The following AGBL1 variants were observed in gnomAD, a reference collection of about 807,000 sequenced individuals.
AGBL1 encodes cytosolic carboxypeptidase 4.
AGBL1 carries 130 observed loss-of-function variants against 118.9 expected under a neutral mutation model. The ratio of observed to expected loss-of-function variants is 1.09; its 90% confidence interval spans 0.95 to 1.26. AGBL1 has a LOEUF of 1.26. Among genes scored for constraint, AGBL1 ranks in the 50% most tolerant of loss-of-function variants. The pLI is 0.00. For synonymous variants in AGBL1, 555 were observed against 478.9 expected (o/e 1.16, Z -2.08); for missense variants, 1,584 against 1,298.1 (o/e 1.22, Z -3.38).
At chr15:86,839,878 C>T (rs1287735252) in intron 22 of AGBL1, among the ~76,000 whole-genome samples, 1 of 152,156 alleles carries the variant, frequency 6.6e-6, no homozygotes, top group Non-Finnish European at 1.5e-5. Context: ...TGAGATTCCC[C>T]TTACCATAAC....
At chr15:86,268,256 C>T (rs1410738421) in intron 13 of AGBL1, among the ~76,000 whole-genome samples, 1 of 151,778 alleles carries the variant, frequency 6.6e-6, no homozygotes, top group African/African-American at 2.4e-5. Flanking sequence ...GGAAGCCCAA[C>T]AAATAAAACA....
At chr15:86,460,984 C>T (rs1224131433) in intron 18 of AGBL1, among the ~76,000 whole-genome samples, 11 of 152,170 alleles carry the variant, frequency 7.2e-5, no homozygotes, top group Non-Finnish European at 1.6e-4. Context: ...AGATGATTTC[C>T]ACCCCAGAAG....
At chr15:86,833,345 G>A (rs747643654) in intron 22 of AGBL1, among the ~76,000 whole-genome samples, 7 of 152,118 alleles carry the variant, frequency 4.6e-5, no homozygotes, top group African/African-American at 7.2e-5. Context: ...GAATTCCCAC[G>A]TGTTGTGGGA....
intron 18 of AGBL1, among the ~76,000 whole-genome samples, chr15:86,430,787 C>T (rs2081926687): frequency 6.6e-6 from 1 of 152,130 alleles, no homozygotes; most frequent in African/African-American, 2.4e-5. Flanking sequence ...TCACAGCACT[C>T]ACTTTTGAGA....
chr15:86,895,725 A>G lies in AGBL1; in HGVS notation c.3159-11362A>G, dbSNP rs1225972593. 3.3e-5 allele frequency among the ~76,000 whole-genome samples: 5 copies of G among 152,032 alleles called. No homozygotes were observed. In the South Asian group the frequency reaches 6.2e-4, roughly 19 times the overall value. ...TAGAAACACTGCAAAGATACCACAG[A>G]AAGTTCCTTTCACCTAGTTTCCCTT... On this transcript the variant is annotated intron_variant, in intron 22 of 22. Coordinates refer to ENST00000614907, the MANE Select transcript of AGBL1 (RefSeq NM_001386094.1).
intron 1 of AGBL1, among the ~76,000 whole-genome samples, chr15:86,116,082 G>T (rs764588330): frequency 6.6e-6 from 1 of 152,128 alleles, no homozygotes; most frequent in Admixed American, 6.6e-5. Flanking sequence ...AATAGGCAGG[G>T]AACCTAGAAT....
At chr15:86,506,472 G>T (rs1374540915) in intron 18 of AGBL1, among the ~76,000 whole-genome samples, 2 of 152,010 alleles carry the variant, frequency 1.3e-5, no homozygotes. Flanking sequence ...TTCCATTCGG[G>T]AAGATTTGAG....
chr15:86,417,713 G>A (rs544915067), intron 18 of AGBL1, among the ~76,000 whole-genome samples: 6 of 152,288 alleles, frequency 3.9e-5, no homozygotes, highest in South Asian at 4.1e-4. Flanking sequence ...GAGTGTGTGT[G>A]CAGTAGAAGC....
chr15:86,945,649 G>A (rs544587024), intron 23 of AGBL1, among the ~76,000 whole-genome samples: 2 of 152,290 alleles, frequency 1.3e-5, no homozygotes, highest in South Asian at 4.1e-4. Flanking sequence ...CTTCAGTGTG[G>A]ACAAGAGAGT....
chr15:86,161,228 A>G (rs918828342), intron 5 of AGBL1, among the ~76,000 whole-genome samples: 3 of 152,204 alleles, frequency 2.0e-5, no homozygotes, highest in East Asian at 1.9e-4. Flanking sequence ...GTCAAATGCC[A>G]TATTAAAACC....
chr15:86,339,169 T>C (rs957832797), intron 17 of AGBL1, among the ~76,000 whole-genome samples: 3 of 152,212 alleles, frequency 2.0e-5, no homozygotes, highest in African/African-American at 7.2e-5. Context: ...ACTTGAAGAA[T>C]ATTGTGCCAC....
At chr15:86,939,542 C>T (rs1201672498) in intron 23 of AGBL1, 2 of 152,300 alleles carry the variant, frequency 1.3e-5, no homozygotes, top group Non-Finnish European at 2.9e-5. Context: ...TGTGGGACTT[C>T]ACCTCGTGAT....
intron 20 of AGBL1, among the ~76,000 whole-genome samples, chr15:86,553,921 C>T (rs1371187145): frequency 2.0e-5 from 3 of 151,882 alleles, no homozygotes; most frequent in Non-Finnish European, 2.9e-5. Flanking sequence ...AGTGCAGTGG[C>T]GCAATCTCAG....
At chr15:86,862,761 C>G (rs1264570258) in intron 22 of AGBL1, among the ~76,000 whole-genome samples, 1 of 152,108 alleles carries the variant, frequency 6.6e-6, no homozygotes, top group Non-Finnish European at 1.5e-5. Flanking sequence ...AAACAAAGTT[C>G]TTTTTACCAT....
At chr15:86,752,616 G>A (rs2077872121) in intron 22 of AGBL1, among the ~76,000 whole-genome samples, 1 of 151,944 alleles carries the variant, frequency 6.6e-6, no homozygotes. Context: ...CATTGCCAGG[G>A]GCCAGAGGCT....
intron 22 of AGBL1, among the ~76,000 whole-genome samples, chr15:86,811,450 A>G (rs1320261339): frequency 5.3e-5 from 8 of 152,170 alleles, no homozygotes; most frequent in Non-Finnish European, 1.0e-4. Context: ...CTGGCCTTAT[A>G]ACTTGCTCTT....
chr15:86,286,871 T>G (rs1226349568), intron 16 of AGBL1, among the ~76,000 whole-genome samples: 2 of 151,848 alleles, frequency 1.3e-5, no homozygotes, highest in African/African-American at 4.8e-5. Flanking sequence ...CCTTTGGATA[T>G]ATACCCAGAA....
At chr15:86,259,147 G>A (rs1196266063) in intron 9 of AGBL1, among the ~76,000 whole-genome samples, 2 of 152,294 alleles carry the variant, frequency 1.3e-5, no homozygotes, top group Non-Finnish European at 2.9e-5. Context: ...GTGCATTGTA[G>A]GATGTTTAGC....
intron 18 of AGBL1, among the ~76,000 whole-genome samples, chr15:86,406,395 C>T (rs776532359): frequency 7.2e-5 from 11 of 152,144 alleles, no homozygotes; most frequent in Non-Finnish European, 1.3e-4. Flanking sequence ...TATGTGACTT[C>T]ATTGTTTTCA....
Sources: gnomAD v4.1 joint callset for allele counts (sites outside exome capture counted in the v4.1 genomes callset) on GRCh38, gnomAD v4.1.1 for gene constraint, MANE v1.5 for transcripts, NCBI Gene and HGNC (gene_info 2026-07-23, HGNC 2026-07-21) for gene names.